RBFOX1: variants seen among roughly 807,000 people sequenced by gnomAD.
RBFOX1 encodes RNA binding protein fox-1 homolog 1.
A neutral mutation model predicts 57.7 loss-of-function variants in RBFOX1; 8 were observed. That is an observed-to-expected ratio of 0.14 (90% CI 0.08 to 0.25). The LOEUF is 0.25. RBFOX1 is among the 10% of genes least tolerant of loss of function. RBFOX1 has a pLI of 1.00. For synonymous variants in RBFOX1, 326 were observed against 222.4 expected (o/e 1.47, Z -4.15); for missense variants, 611 against 548.5 (o/e 1.11, Z -1.14).
chr16:7,127,120 A>T (rs1012275473), intron 4 of RBFOX1, among the ~76,000 whole-genome samples: 1 of 152,078 alleles, frequency 6.6e-6, no homozygotes, highest in Non-Finnish European at 1.5e-5. Context: ...TCATGTGGTC[A>T]TAAATGGTGG....
chr16:7,217,378 C>A (rs964427587), intron 4 of RBFOX1, among the ~76,000 whole-genome samples: 2 of 147,760 alleles, frequency 1.4e-5, no homozygotes, highest in African/African-American at 5.0e-5. Context: ...TGATGTCCAC[C>A]TTGGCCTCCC....
chr16:7,298,842 G>A (rs1003821794), intron 4 of RBFOX1, among the ~76,000 whole-genome samples: 2 of 151,932 alleles, frequency 1.3e-5, no homozygotes, highest in Non-Finnish European at 2.9e-5. Flanking sequence ...GGTAGGCTGA[G>A]GAGGAGGAGG....
chr16:5,883,321 C>A (rs2057811283), intron 4 of RBFOX1, among the ~76,000 whole-genome samples: 1 of 151,852 alleles, frequency 6.6e-6, no homozygotes, highest in African/African-American at 2.4e-5. Context: ...TCTCTCTTAC[C>A]CCGAAAGAGA....
chr16:5,828,482 G>T (rs892977902), intron 3 of RBFOX1, among the ~76,000 whole-genome samples: 4 of 151,982 alleles, frequency 2.6e-5, no homozygotes, highest in African/African-American at 9.7e-5. Context: ...GGCGGATCGC[G>T]AGGTCAATAG....
At chr16:6,375,130 G>C (rs1227717912) in intron 2 of RBFOX1, among the ~76,000 whole-genome samples, 2 of 152,046 alleles carry the variant, frequency 1.3e-5, no homozygotes, top group Non-Finnish European at 1.5e-5. Flanking sequence ...CATTTCCTTA[G>C]GGGAGGAGGT....
intron 1 of RBFOX1, among the ~76,000 whole-genome samples, chr16:6,157,930 T>G (rs1217158499): frequency 6.6e-6 from 1 of 152,166 alleles, no homozygotes; most frequent in Middle Eastern, 3.2e-3. Context: ...TTGGATGGAT[T>G]TAAGTCATAT....
intron 3 of RBFOX1, among the ~76,000 whole-genome samples, chr16:6,711,504 G>A (rs1250088756): frequency 6.6e-6 from 1 of 152,152 alleles, no homozygotes; most frequent in Admixed American, 6.5e-5. Flanking sequence ...TGTTCTTGTG[G>A]TAGAGAGTGA....
intron 3 of RBFOX1, among the ~76,000 whole-genome samples, chr16:6,816,644 G>A (rs1023228775): frequency 6.6e-6 from 1 of 150,948 alleles, no homozygotes; most frequent in Non-Finnish European, 1.5e-5. Context: ...GGAGGCTGAG[G>A]CAGGAGAATG....
intron 4 of RBFOX1, among the ~76,000 whole-genome samples, chr16:7,119,655 C>T (rs575406543): frequency 1.3e-5 from 2 of 151,568 alleles, no homozygotes; most frequent in Admixed American, 6.6e-5. Context: ...ACCAAAAAGA[C>T]AAAACAATCT....
At chr16:6,929,006 C>T (rs183821255) in intron 3 of RBFOX1, among the ~76,000 whole-genome samples, 15 of 152,256 alleles carry the variant, frequency 9.9e-5, no homozygotes, top group African/African-American at 7.2e-5. Context: ...TTCACAGACA[C>T]GCATGCTTGA....
chr16:6,500,127 A>C lies in RBFOX1; in HGVS notation c.-63-154476A>C, dbSNP rs1017235509. On this transcript the variant is annotated intron_variant, in intron 2 of 15. Transcript: ENST00000550418. The stretch of plus-strand genomic sequence containing the variant: ...GAAGGAGCCATTCTTGAAAGTCTGC[A>C]TGCTGACACATTTTCTAGAAACCTT... Among the ~76,000 whole-genome samples the C allele has an allele frequency of 2.6e-5, 4 of 152,216 alleles. No individual in the cohort carries two copies. The East Asian group carries it at 7.7e-4, about 29-fold the overall frequency.
chr16:6,862,877 C>T (rs974901940), intron 3 of RBFOX1, among the ~76,000 whole-genome samples: 8 of 148,218 alleles, frequency 5.4e-5, no homozygotes, highest in Non-Finnish European at 9.0e-5. Context: ...CCCAGCTACT[C>T]AGGAGGTTGA....
At chr16:6,807,806 C>G (rs986503585) in intron 3 of RBFOX1, among the ~76,000 whole-genome samples, 1 of 151,610 alleles carries the variant, frequency 6.6e-6, no homozygotes, top group East Asian at 1.9e-4. Context: ...CAGAGCGAGA[C>G]TCCATCTCAA....
chr16:6,377,121 A>G (rs1329441049), intron 2 of RBFOX1, among the ~76,000 whole-genome samples: 2 of 151,864 alleles, frequency 1.3e-5, no homozygotes, highest in African/African-American at 4.8e-5. Flanking sequence ...AAAAAAAATT[A>G]AAAATTAGCT....
intron 3 of RBFOX1, among the ~76,000 whole-genome samples, chr16:6,735,870 T>G (rs1159384532): frequency 1.3e-5 from 2 of 152,068 alleles, no homozygotes. Context: ...GCCCTCCTTC[T>G]GAGACCTCTG....
intron 4 of RBFOX1, among the ~76,000 whole-genome samples, chr16:7,211,168 G>T (rs575611597): frequency 2.0e-4 from 30 of 151,504 alleles, no homozygotes; most frequent in Non-Finnish European, 5.9e-5. Flanking sequence ...GAGGTGGGGG[G>T]ATCATGAGGT....
chr16:6,970,766 C>G (rs1339322987), intron 3 of RBFOX1, among the ~76,000 whole-genome samples: 1 of 152,140 alleles, frequency 6.6e-6, no homozygotes, highest in Admixed American at 6.5e-5. Context: ...AGACCATAGC[C>G]CCCTTTAACC....
intron 4 of RBFOX1, among the ~76,000 whole-genome samples, chr16:7,107,382 A>C (rs1398467167): frequency 6.6e-6 from 1 of 152,044 alleles, no homozygotes; most frequent in Admixed American, 6.6e-5. Flanking sequence ...GAAGGGGGCC[A>C]CTCTAGGGTG....
chr16:5,304,125 G>A (rs375436018), intron 1 of RBFOX1, among the ~76,000 whole-genome samples: 3 of 152,198 alleles, frequency 2.0e-5, no homozygotes, highest in Admixed American at 6.5e-5. Context: ...AATGCTGGCA[G>A]ATTATTCATA....
Sources: gnomAD v4.1 joint callset for allele counts (sites outside exome capture counted in the v4.1 genomes callset) on GRCh38, gnomAD v4.1.1 for gene constraint, MANE v1.5 for transcripts, NCBI Gene and HGNC (gene_info 2026-07-23, HGNC 2026-07-21) for gene names.